The following DTD1 variants were observed in gnomAD, a reference collection of about 807,000 sequenced individuals.
DTD1 encodes D-aminoacyl-tRNA deacylase 1.
A neutral mutation model predicts 25.6 loss-of-function variants in DTD1; 13 were observed. That is an observed-to-expected ratio of 0.51 (90% confidence interval 0.33 to 0.81). DTD1 has a LOEUF of 0.81. DTD1 is among the 30% of genes least tolerant of loss of function. The probability of loss-of-function intolerance (pLI) is 0.02; values close to 1 mark genes in which losing one functional copy is unlikely to be tolerated. For missense variants in DTD1, 193 were observed against 266.4 expected, an observed-to-expected ratio of 0.72 and a Z score of 1.92; for synonymous variants, 110 against 103.6, an observed-to-expected ratio of 1.06 and a Z score of -0.37.
At chr20:18,754,514 C>A (rs1348964115) in intron 5 of DTD1, among the ~76,000 whole-genome samples, 1 of 152,210 alleles carries the variant, frequency 6.6e-6, no homozygotes. Context: ...GAGGGAGGCA[C>A]ATTACCCCTT....
intron 4 of DTD1, among the ~76,000 whole-genome samples, chr20:18,742,785 C>T (rs992565715): frequency 3.3e-5 from 5 of 152,136 alleles, no homozygotes; most frequent in Admixed American, 6.5e-5. Context: ...GTTCATCTCT[C>T]GAAGGGTTAA....
chr20:18,648,064 G>A (rs2060856887), intron 4 of DTD1, among the ~76,000 whole-genome samples: 1 of 152,156 alleles, frequency 6.6e-6, no homozygotes, highest in Non-Finnish European at 1.5e-5. Flanking sequence ...CTTCTCTTTG[G>A]TGCTGATAAT....
intron 5 of DTD1, among the ~76,000 whole-genome samples, chr20:18,757,550 T>C (rs2061344305): frequency 6.6e-6 from 1 of 152,234 alleles, no homozygotes; most frequent in Non-Finnish European, 1.5e-5. Context: ...TTGTCGTTGG[T>C]TCTGTTTATA....
chr20:18,719,563 G>A (rs914058955), intron 4 of DTD1, among the ~76,000 whole-genome samples: 3 of 152,250 alleles, frequency 2.0e-5, no homozygotes, highest in Admixed American at 6.5e-5. Flanking sequence ...AACAGGCGTT[G>A]TTTGTGGTTA....
At position 18,761,988 on chromosome 20, in the gene DTD1, G is replaced by A. The variant is rs73268492; in HGVS notation, c.*20-1372G>A. Among the ~76,000 whole-genome samples the A allele has an allele frequency of 1.9e-3, 287 of 152,336 alleles. 2 individuals carry two copies. The highest frequency in any genetic ancestry group is 6.3e-3 in the African/African-American group (261 of 41,578). On this transcript the variant is annotated intron_variant, in intron 5 of 5. Coordinates refer to ENST00000377452, the MANE Select transcript of DTD1 (RefSeq NM_080820.6). Reference sequence around the variant, plus strand: ...GCAGGACTCTTACAGGTGGGTTTGGGTGTACGAGGGTAGCCCTTGGGGATA... The same window carrying A: ...GCAGGACTCTTACAGGTGGGTTTGGATGTACGAGGGTAGCCCTTGGGGATA...
chr20:18,727,929 G>A (rs2061228094), intron 4 of DTD1, among the ~76,000 whole-genome samples: 1 of 152,236 alleles, frequency 6.6e-6, no homozygotes, highest in Non-Finnish European at 1.5e-5. Context: ...GTGGCCTAGG[G>A]TGAAGCAGAG....
intron 4 of DTD1, among the ~76,000 whole-genome samples, chr20:18,731,087 C>G (rs1432435433): frequency 6.6e-6 from 1 of 152,188 alleles, no homozygotes; most frequent in Non-Finnish European, 1.5e-5. Flanking sequence ...TTATGGATCT[C>G]CTTTCTTAAA....
intron 4 of DTD1, chr20:18,632,344 C>T (rs6136446): frequency 0.91 from 896,089 of 985,354 alleles, 410,012 homozygotes; most frequent in Non-Finnish European, 0.93. Flanking sequence ...CCCCAGAAGC[C>T]TCAGACCCTG....
intron 4 of DTD1, among the ~76,000 whole-genome samples, chr20:18,644,856 G>A (rs1286531249): frequency 2.0e-5 from 3 of 152,100 alleles, no homozygotes; most frequent in African/African-American, 7.2e-5. Context: ...TTCAACCGTG[G>A]CGTATGGGGC....
chr20:18,630,205 A>G (rs1307122905), intron 4 of DTD1, among the ~76,000 whole-genome samples: 1 of 152,114 alleles, frequency 6.6e-6, no homozygotes, highest in African/African-American at 2.4e-5. Flanking sequence ...AAAAGTTGAA[A>G]AAACAGAGTT....
At chr20:18,615,089 C>T (rs2060703953) in intron 3 of DTD1, among the ~76,000 whole-genome samples, 1 of 152,062 alleles carries the variant, frequency 6.6e-6, no homozygotes, top group African/African-American at 2.4e-5. Flanking sequence ...AATAGATGTG[C>T]TGATCCCTTC....
At chr20:18,649,336 T>C (rs1313041572) in intron 4 of DTD1, among the ~76,000 whole-genome samples, 1 of 103,800 alleles carries the variant, frequency 9.6e-6, no homozygotes, top group South Asian at 4.5e-4. Flanking sequence ...CTTTTTTTTT[T>C]TTTTTTTTTT....
intron 5 of DTD1, among the ~76,000 whole-genome samples, chr20:18,748,750 C>T (rs531364051): frequency 6.6e-6 from 1 of 152,310 alleles, no homozygotes; most frequent in South Asian, 2.1e-4. Flanking sequence ...GTATCTACTT[C>T]TTGCTTCTCT....
chr20:18,692,540 G>C (rs1424573165), intron 4 of DTD1, among the ~76,000 whole-genome samples: 1 of 152,184 alleles, frequency 6.6e-6, no homozygotes, highest in East Asian at 1.9e-4. Context: ...CACTCACTGA[G>C]GGAAGAAGAC....
At chr20:18,721,622 C>G (rs2061203886) in intron 4 of DTD1, among the ~76,000 whole-genome samples, 1 of 152,148 alleles carries the variant, frequency 6.6e-6, no homozygotes, top group African/African-American at 2.4e-5. Flanking sequence ...AAGAACATAT[C>G]TGATTAGAAC....
At chr20:18,654,928 A>T (rs2122360772) in intron 4 of DTD1, among the ~76,000 whole-genome samples, 1 of 152,362 alleles carries the variant, frequency 6.6e-6, no homozygotes, top group South Asian at 2.1e-4. Context: ...CAATATTAAC[A>T]GTGCTTTTAA....
Sources: gnomAD v4.1 joint callset for allele counts (sites outside exome capture counted in the v4.1 genomes callset) on GRCh38, gnomAD v4.1.1 for gene constraint, MANE v1.5 for transcripts, NCBI Gene and HGNC (gene_info 2026-07-23, HGNC 2026-07-21) for gene names.